SLC10A7: variants seen among roughly 807,000 people sequenced by gnomAD.
The protein encoded by SLC10A7 is solute carrier family 10 member 7, also known as sodium/bile acid cotransporter 7.
Under a neutral mutation model 43.2 loss-of-function variants are expected in SLC10A7, and 29 were observed. The ratio of observed to expected loss-of-function variants is 0.67; its 90% CI spans 0.50 to 0.92. The LOEUF is 0.92. SLC10A7 is among the 40% of genes least tolerant of loss of function. The pLI is 0.00. For missense variants in SLC10A7, 295 were observed against 403.2 expected (o/e 0.73, Z 2.30); for synonymous variants, 152 against 144.8 (o/e 1.05, Z -0.35).
chr4:146,349,577 C>T (rs998227330), intron 5 of SLC10A7, among the ~76,000 whole-genome samples: 1 of 152,174 alleles, frequency 6.6e-6, no homozygotes, highest in African/African-American at 2.4e-5. Context: ...CACTGCACCA[C>T]TATTCACAAT....
At chr4:146,370,807 A>G (rs948779083) in intron 5 of SLC10A7, among the ~76,000 whole-genome samples, 2 of 152,194 alleles carry the variant, frequency 1.3e-5, no homozygotes, top group African/African-American at 4.8e-5. Flanking sequence ...ATCATAAGGC[A>G]AATAAAGTCA....
intron 6 of SLC10A7, among the ~76,000 whole-genome samples, chr4:146,312,835 CA>C (rs993792196): frequency 7.9e-5 from 12 of 152,252 alleles, no homozygotes; most frequent in African/African-American, 2.9e-4. Flanking sequence ...CAAACCCACA[CA>C]GTCTGTTTAG....
chr4:146,311,748 G>GGGGAAA (rs1222644244), intron 6 of SLC10A7, among the ~76,000 whole-genome samples: 2 of 152,076 alleles, frequency 1.3e-5, no homozygotes, highest in South Asian at 4.2e-4. Context: ...GCCCAGCCCT[G>GGGGAAA]GGGAAAGGGA....
intron 10 of SLC10A7, among the ~76,000 whole-genome samples, chr4:146,265,123 T>G (rs1728473584): frequency 6.6e-6 from 1 of 152,272 alleles, no homozygotes; most frequent in Non-Finnish European, 1.5e-5. Context: ...GGATGCTAAG[T>G]GCTCTGCCTG....
At chr4:146,394,820 A>G (rs746644260) in intron 5 of SLC10A7, among the ~76,000 whole-genome samples, 1 of 152,138 alleles carries the variant, frequency 6.6e-6, no homozygotes, top group African/African-American at 2.4e-5. Flanking sequence ...CCTTTTTCTC[A>G]CCCATGGGAT....
chr4:146,322,011 G>A (rs917159725), intron 6 of SLC10A7, among the ~76,000 whole-genome samples: 1 of 152,090 alleles, frequency 6.6e-6, no homozygotes, highest in African/African-American at 2.4e-5. Context: ...GACTCAGAAG[G>A]GAAGCGTTAA....
intron 4 of SLC10A7, among the ~76,000 whole-genome samples, chr4:146,477,325 C>T (rs745405062): frequency 2.0e-5 from 3 of 152,208 alleles, no homozygotes; most frequent in Non-Finnish European, 4.4e-5. Context: ...GGCTTTTACA[C>T]ACTTTTGTTG....
At chr4:146,270,872 T>C (rs1028095724) in intron 10 of SLC10A7, among the ~76,000 whole-genome samples, 1 of 152,232 alleles carries the variant, frequency 6.6e-6, no homozygotes, top group Non-Finnish European at 1.5e-5. Context: ...GCCTAGCACA[T>C]GGGCGGTACC....
At chr4:146,449,424 C>T (rs1423573863) in intron 4 of SLC10A7, among the ~76,000 whole-genome samples, 1 of 152,070 alleles carries the variant, frequency 6.6e-6, no homozygotes, top group African/African-American at 2.4e-5. Context: ...GAGACTCCAC[C>T]AACAAGAGGC....
chr4:146,361,189 A>G (rs1406203899), intron 5 of SLC10A7, among the ~76,000 whole-genome samples: 4 of 152,156 alleles, frequency 2.6e-5, no homozygotes, highest in Admixed American at 6.5e-5. Context: ...AGGGCAATCT[A>G]TCTTGCTTCT....
chr4:146,332,468 G>A (rs1733603503), intron 5 of SLC10A7, among the ~76,000 whole-genome samples: 1 of 152,184 alleles, frequency 6.6e-6, no homozygotes, highest in African/African-American at 2.4e-5. Flanking sequence ...TCCCTTTGGT[G>A]TTATTTTCAT....
At chr4:146,385,461 G>T (rs774368840) in intron 5 of SLC10A7, among the ~76,000 whole-genome samples, 6 of 151,892 alleles carry the variant, frequency 4.0e-5, no homozygotes, top group Non-Finnish European at 2.9e-5. Context: ...TCATCTTTTT[G>T]ATTCTCCTGT....
intron 5 of SLC10A7, among the ~76,000 whole-genome samples, chr4:146,412,175 G>C (rs1359956002): frequency 2.0e-5 from 3 of 151,900 alleles, no homozygotes; most frequent in Non-Finnish European, 2.9e-5. Flanking sequence ...TTACGTGATA[G>C]AATATAATTG....
intron 5 of SLC10A7, among the ~76,000 whole-genome samples, chr4:146,438,000 C>T (rs887773113): frequency 5.3e-5 from 8 of 151,694 alleles, no homozygotes; most frequent in Non-Finnish European, 1.0e-4. Context: ...AAAACAGGCA[C>T]GTATCATTGT....
intron 4 of SLC10A7, among the ~76,000 whole-genome samples, chr4:146,479,366 C>T (rs1195281864): frequency 6.6e-6 from 1 of 152,064 alleles, no homozygotes; most frequent in African/African-American, 2.4e-5. Context: ...ATAACACTAC[C>T]TACTCTGTTC....
At chr4:146,495,049 AT>A (rs1735768408) in intron 4 of SLC10A7, among the ~76,000 whole-genome samples, 2 of 152,326 alleles carry the variant, frequency 1.3e-5, no homozygotes, top group African/African-American at 4.8e-5. Context: ...GGGGCATAGA[AT>A]TTCTTGCTGT....
At chr4:146,481,510 C>T (rs1398532369) in intron 4 of SLC10A7, among the ~76,000 whole-genome samples, 1 of 152,244 alleles carries the variant, frequency 6.6e-6, no homozygotes, top group Non-Finnish European at 1.5e-5. Context: ...TGAGTTACCA[C>T]TGTGCCTCGT....
At chr4:146,414,856 T>G (rs942100999) in intron 5 of SLC10A7, among the ~76,000 whole-genome samples, 2 of 152,058 alleles carry the variant, frequency 1.3e-5, no homozygotes, top group South Asian at 2.1e-4. Context: ...AAAGCAAAGG[T>G]CAGGTGGGGA....
intron 4 of SLC10A7, among the ~76,000 whole-genome samples, chr4:146,494,481 GA>G (rs1302758607): frequency 2.0e-5 from 3 of 152,194 alleles, no homozygotes; most frequent in Admixed American, 2.0e-4. Context: ...GAAGGATTCA[GA>G]AACAGGAATC....
Sources: gnomAD v4.1 joint callset for allele counts (sites outside exome capture counted in the v4.1 genomes callset) on GRCh38, gnomAD v4.1.1 for gene constraint, MANE v1.5 for transcripts, NCBI Gene and HGNC (gene_info 2026-07-23, HGNC 2026-07-21) for gene names.